The following GRM7 variants were observed in gnomAD, a reference collection of about 807,000 sequenced individuals.
The protein encoded by GRM7 is glutamate metabotropic receptor 7, also known as metabotropic glutamate receptor 7.
Under a neutral mutation model 84.5 loss-of-function variants are expected in GRM7, and 35 were observed. The observed-to-expected ratio is 0.41, with a 90% CI of 0.32 to 0.55. GRM7 has a LOEUF of 0.55. GRM7 is among the 20% of genes least tolerant of loss of function. GRM7 has a pLI of 0.19. For synonymous variants in GRM7, 487 were observed against 455.1 expected, an observed-to-expected ratio of 1.07 and a Z score of -0.89; for missense variants, 1,003 against 1,194.6, an observed-to-expected ratio of 0.84 and a Z score of 2.36.
At chr3:7,610,221 T>A (rs1696787320) in intron 8 of GRM7, among the ~76,000 whole-genome samples, 1 of 152,138 alleles carries the variant, frequency 6.6e-6, no homozygotes, top group Non-Finnish European at 1.5e-5. Context: ...GGTCCAGTTA[T>A]CTCTTGGAAT....
At chr3:7,574,757 A>G (rs1436391609) in intron 7 of GRM7, among the ~76,000 whole-genome samples, 4 of 152,136 alleles carry the variant, frequency 2.6e-5, no homozygotes, top group Non-Finnish European at 4.4e-5. Flanking sequence ...ACCAATGACT[A>G]TCTCCCCCAG....
chr3:7,362,060 T>C (rs1180482114), intron 4 of GRM7, among the ~76,000 whole-genome samples: 2 of 152,136 alleles, frequency 1.3e-5, no homozygotes, highest in Admixed American at 1.3e-4. Flanking sequence ...GTCTCAGCCT[T>C]GTCAGTACTA....
At chr3:7,404,909 C>G (rs1197379066) in intron 4 of GRM7, among the ~76,000 whole-genome samples, 2 of 152,162 alleles carry the variant, frequency 1.3e-5, no homozygotes, top group Non-Finnish European at 2.9e-5. Flanking sequence ...TAGACAATCT[C>G]TAACACCTAC....
intron 1 of GRM7, among the ~76,000 whole-genome samples, chr3:7,069,519 T>C (rs1284877867): frequency 6.6e-6 from 1 of 152,054 alleles, no homozygotes; most frequent in Non-Finnish European, 1.5e-5. Flanking sequence ...AAGGTGAGAA[T>C]TAAGGATGGA....
Position 6,862,974 on chromosome 3 carries a change from C to T in GRM7, c.519+1067C>T. 1 of 456,524 alleles carries T rather than the reference C, an allele frequency of 2.2e-6. No homozygotes were observed. The highest frequency in any genetic ancestry group is 4.4e-6 in the Non-Finnish European group (1 of 226,856). 28.3% of individuals were successfully genotyped at this position (456,524 alleles called of 1,614,324 possible). ...CTCTCGCCTCCTGCTCCAGCAGCCTCTGCCCCATGGCTCCTGAGCTGCACT... is the reference window on the plus strand; with the variant it reads ...CTCTCGCCTCCTGCTCCAGCAGCCTTTGCCCCATGGCTCCTGAGCTGCACT... On this transcript the variant is annotated intron_variant, in intron 1 of 9. Coordinates refer to ENST00000357716, the MANE Select transcript of GRM7 (RefSeq NM_000844.4). The surrounding 1 kb of genome is among the most constrained non-coding windows in gnomAD (Gnocchi z 5.2).
At chr3:6,973,848 T>C (rs1693872848) in intron 1 of GRM7, among the ~76,000 whole-genome samples, 1 of 152,182 alleles carries the variant, frequency 6.6e-6, no homozygotes. Context: ...CCTTAGCAGC[T>C]ATGGTAAGGA....
At chr3:7,492,539 G>A (rs6804030) in intron 7 of GRM7, among the ~76,000 whole-genome samples, 13,515 of 151,880 alleles carry the variant, frequency 0.089, 891 homozygotes, top group African/African-American at 0.19. Context: ...TTTAATGACC[G>A]CTGAATCTAT....
chr3:6,965,819 G>T (rs1006946650), intron 1 of GRM7, among the ~76,000 whole-genome samples: 2 of 152,124 alleles, frequency 1.3e-5, no homozygotes. Flanking sequence ...GGTTCTGCTC[G>T]CATCCATCTG....
At chr3:7,328,470 G>C (rs541334410) in intron 4 of GRM7, among the ~76,000 whole-genome samples, 8 of 152,268 alleles carry the variant, frequency 5.3e-5, no homozygotes, top group African/African-American at 1.9e-4. Flanking sequence ...TAGGATGCTA[G>C]CAATAGCACA....
Position 6,937,224 on chromosome 3 carries a change from T to C in GRM7, c.519+75317T>C, listed in dbSNP as rs558581638. On this transcript the variant is annotated intron_variant, in intron 1 of 9. Transcript: ENST00000357716. ...AAATCACTTCTTGCTGCTGCTTTGA[T>C]TAAATGTTTTCCTTGTGTTTTACAA... 1.5e-3 allele frequency among the ~76,000 whole-genome samples: 229 copies of C among 152,336 alleles called. 1 individual carries two copies. The highest frequency in any genetic ancestry group is 3.4e-3 in the Middle Eastern group (1 of 294).
intron 9 of GRM7, among the ~76,000 whole-genome samples, chr3:7,728,271 A>G (rs921668634): frequency 1.3e-5 from 2 of 152,328 alleles, no homozygotes. Flanking sequence ...GGAAAAGAAG[A>G]GAGTTTATGT....
chr3:7,726,847 C>G (rs1482612833), intron 9 of GRM7, among the ~76,000 whole-genome samples: 1 of 150,504 alleles, frequency 6.6e-6, no homozygotes, highest in Non-Finnish European at 1.5e-5. Context: ...ACGATTTTCC[C>G]AACATGGCTG....
chr3:7,192,277 A>G (rs1319376632), intron 2 of GRM7, among the ~76,000 whole-genome samples: 1 of 152,134 alleles, frequency 6.6e-6, no homozygotes, highest in Non-Finnish European at 1.5e-5. Context: ...TACAAGGAAT[A>G]GATTTTGAGA....
intron 4 of GRM7, among the ~76,000 whole-genome samples, chr3:7,337,643 A>G (rs1252951283): frequency 3.9e-5 from 6 of 152,096 alleles, no homozygotes; most frequent in Admixed American, 6.6e-5. Flanking sequence ...GCCAATAAAC[A>G]TATGAAAAAA....
chr3:7,288,660 G>A lies in GRM7; in HGVS notation c.737-10024G>A, dbSNP rs144797613. The stretch of plus-strand genomic sequence containing the variant: ...GAACCAATAAAAGCAGTTATTATTG[G>A]GGAGAGATGTGACTTTAGTGAAAGA... On this transcript the variant is annotated intron_variant, in intron 2 of 9. Coordinates refer to ENST00000357716, the MANE Select transcript of GRM7 (RefSeq NM_000844.4). 2.4e-3 allele frequency among the ~76,000 whole-genome samples: 368 copies of A among 152,204 alleles called. 3 individuals carry two copies. The highest frequency in any genetic ancestry group is 8.3e-3 in the African/African-American group (346 of 41,532).
chr3:7,534,742 T>TA (rs1701176843), intron 7 of GRM7, among the ~76,000 whole-genome samples: 1 of 152,178 alleles, frequency 6.6e-6, no homozygotes, highest in Admixed American at 6.5e-5. Context: ...ACAGAGTATA[T>TA]ATCTAGTTGT....
At chr3:7,525,426 C>T (rs1451297587) in intron 7 of GRM7, among the ~76,000 whole-genome samples, 1 of 151,970 alleles carries the variant, frequency 6.6e-6, no homozygotes, top group East Asian at 1.9e-4. Context: ...CCTATGTTAC[C>T]CAGGCTGGTT....
intron 1 of GRM7, among the ~76,000 whole-genome samples, chr3:6,966,299 C>A (rs17751277): frequency 6.6e-6 from 1 of 152,112 alleles, no homozygotes; most frequent in Non-Finnish European, 1.5e-5. Flanking sequence ...TACTCCTTCA[C>A]ATTTGGTTGT....
intron 4 of GRM7, among the ~76,000 whole-genome samples, chr3:7,329,575 A>T (rs911915245): frequency 2.0e-5 from 3 of 152,162 alleles, no homozygotes; most frequent in Non-Finnish European, 4.4e-5. Flanking sequence ...AATTTCTGAA[A>T]GAGTGATATG....
Sources: gnomAD v4.1 joint callset for allele counts (sites outside exome capture counted in the v4.1 genomes callset) on GRCh38, gnomAD v4.1.1 for gene constraint, Gnocchi (gnomAD v3.1) non-coding constraint, MANE v1.5 for transcripts, NCBI Gene and HGNC (gene_info 2026-07-23, HGNC 2026-07-21) for gene names.